The following HMG20A variants were observed in gnomAD, a reference collection of about 807,000 sequenced individuals.
The protein encoded by HMG20A is high mobility group 20A.
Under a neutral mutation model 43.9 loss-of-function variants are expected in HMG20A, and 17 were observed. The observed-to-expected ratio is 0.39, with a 90% confidence interval of 0.27 to 0.58. HMG20A has a LOEUF of 0.58. Ranked by LOEUF, HMG20A falls within the 20% of genes least tolerant of loss-of-function variation. The probability of loss-of-function intolerance (pLI) is 0.59; values close to 1 mark genes in which losing one functional copy is unlikely to be tolerated. For synonymous variants in HMG20A, 132 were observed against 147.5 expected (o/e 0.89, Z 0.76); for missense variants, 341 against 438.2 (o/e 0.78, Z 1.98).
intron 1 of HMG20A, among the ~76,000 whole-genome samples, chr15:77,430,750 T>C (rs2073476139): frequency 6.6e-6 from 1 of 152,190 alleles, no homozygotes; most frequent in Admixed American, 6.5e-5. Flanking sequence ...CAGTGTTTGC[T>C]AGGCAGAGTC....
chr15:77,477,732 CT>C, intron 7 of HMG20A, 102 bp downstream of exon 7: 1 of 726,972 alleles, frequency 1.4e-6, no homozygotes. Context: ...GTTATCCCTC[CT>C]TAGGACTACT....
chr15:77,436,769 T>C (rs1037043454), intron 1 of HMG20A, among the ~76,000 whole-genome samples: 22 of 152,184 alleles, frequency 1.4e-4, no homozygotes, highest in Non-Finnish European at 1.5e-5. Context: ...CTAGATCCAT[T>C]CTTACACATC....
intron 1 of HMG20A, among the ~76,000 whole-genome samples, chr15:77,424,500 A>G (rs1027405218): frequency 1.3e-5 from 2 of 152,198 alleles, no homozygotes; most frequent in Non-Finnish European, 2.9e-5. Context: ...AGAATGTTGT[A>G]TGTAAATCTC....
the HMG20A span, among the ~76,000 whole-genome samples, chr15:77,491,903 T>C: frequency 6.6e-6 from 1 of 152,220 alleles, no homozygotes; most frequent in African/African-American, 2.4e-5. Flanking sequence ...GGATTGTAAA[T>C]GGGCCTTGAA....
At chr15:77,495,069 C>A in the HMG20A span, among the ~76,000 whole-genome samples, 2 of 152,186 alleles carry the variant, frequency 1.3e-5, no homozygotes, top group East Asian at 1.9e-4. Flanking sequence ...CAAAATGAGG[C>A]CCCAATCCAG....
chr15:77,422,989 T>C (rs1469157894), intron 1 of HMG20A, among the ~76,000 whole-genome samples: 40 of 152,134 alleles, frequency 2.6e-4, no homozygotes, highest in Non-Finnish European at 2.9e-5. Context: ...ATTATTGAAG[T>C]ATGGAAAGAT....
chr15:77,441,137 C>G (rs922202148), intron 1 of HMG20A, among the ~76,000 whole-genome samples: 2 of 152,146 alleles, frequency 1.3e-5, no homozygotes, highest in African/African-American at 4.8e-5. Context: ...TGTACTATTA[C>G]TCTTCTCATT....
chr15:77,435,086 A>G (rs907306971), intron 1 of HMG20A, among the ~76,000 whole-genome samples: 30 of 152,180 alleles, frequency 2.0e-4, no homozygotes, highest in Admixed American at 1.4e-3. Flanking sequence ...ATTACATAGT[A>G]TATGAATAAA....
intron 7 of HMG20A, chr15:77,478,087 G>A (rs980168254): frequency 8.7e-5 from 51 of 589,190 alleles, no homozygotes; most frequent in East Asian, 6.8e-4. Flanking sequence ...TGTATGGAAT[G>A]TGACTAGCTT....
chr15:77,456,712 A>G (rs558798810), intron 1 of HMG20A, among the ~76,000 whole-genome samples: 1 of 151,558 alleles, frequency 6.6e-6, no homozygotes. Flanking sequence ...TTTGCTCACT[A>G]TGGTTAGTCT....
chr15:77,464,713 T>G (rs1339660401), intron 3 of HMG20A: 1 of 205,610 alleles, frequency 4.9e-6, no homozygotes, highest in African/African-American at 2.3e-5. Flanking sequence ...CTCAAGGCTC[T>G]GCTCAGCAAG....
intron 1 of HMG20A, among the ~76,000 whole-genome samples, chr15:77,433,451 C>G (rs1358361025): frequency 1.3e-5 from 2 of 151,812 alleles, no homozygotes; most frequent in African/African-American, 4.8e-5. Flanking sequence ...TACTCAAACT[C>G]TTCAATAGAA....
intron 4 of HMG20A, 123 bp downstream of exon 4, chr15:77,467,430 A>G: frequency 1.3e-6 from 1 of 749,314 alleles, no homozygotes; most frequent in Non-Finnish European, 2.2e-6. Context: ...CTAGGAGACC[A>G]GAATAGCAGG....
chr15:77,478,468 C>T lies in HMG20A; in HGVS notation c.865C>T (p.Arg289Trp), dbSNP rs774069600. 30 of 1,611,520 alleles carry T rather than the reference C, an allele frequency of 1.9e-5. No homozygotes were observed. The highest frequency in any genetic ancestry group is 2.4e-5 in the Non-Finnish European group (28 of 1,180,036). The stretch of plus-strand genomic sequence containing the variant: ...CTTACAGCAGCACCTGGAGACCCTG[C>T]GGCAGGTGCTGACCAGCAGCTTTGC... ...TVLQQHLETL[R>W]QVLTSSFASM... Residue 289 changes from arginine to tryptophan, a missense_variant, in exon 8 of 10, where the codon CGG becomes TGG. Coordinates refer to ENST00000336216, the MANE Select transcript of HMG20A (RefSeq NM_001304504.2).
At position 77,470,904 on chromosome 15, in the gene HMG20A, T is replaced by C. The variant is rs747608102; in HGVS notation, c.451-6T>C. On this transcript the variant is annotated splice_region_variant and splice_polypyrimidine_tract_variant and intron_variant, in intron 4 of 9. Coordinates refer to ENST00000336216, the MANE Select transcript of HMG20A (RefSeq NM_001304504.2). The stretch of plus-strand genomic sequence containing the variant: ...TCTTGAAAATAATTCTGTATTTCTT[T>C]CCTAGCGCTACCTTGATGAAGCAGA... 6.4e-7 allele frequency: 1 copy of C among 1,561,716 alleles called. No individual in the cohort carries two copies. Among genetic ancestry groups the C allele is most frequent in the East Asian group, 2.3e-5 (1 of 42,832 alleles).
chr15:77,489,845 C>T (rs1333352255), downstream of HMG20A, among the ~76,000 whole-genome samples: 2 of 152,190 alleles, frequency 1.3e-5, no homozygotes, highest in African/African-American at 4.8e-5. Flanking sequence ...GGCAGAGTGG[C>T]TTTGAAGTTG....
At chr15:77,445,421 T>A (rs1183529850) in intron 1 of HMG20A, among the ~76,000 whole-genome samples, 1 of 152,208 alleles carries the variant, frequency 6.6e-6, no homozygotes, top group African/African-American at 2.4e-5. Flanking sequence ...TTCCCCTTTA[T>A]CCATGGGGGT....
chr15:77,463,315 C>A (rs762479073), intron 2 of HMG20A, among the ~76,000 whole-genome samples: 2 of 152,180 alleles, frequency 1.3e-5, no homozygotes, highest in Non-Finnish European at 2.9e-5. Flanking sequence ...CTCTACCATA[C>A]CTCTATGGTA....
the HMG20A span, among the ~76,000 whole-genome samples, chr15:77,513,752 A>G: frequency 7.0e-6 from 1 of 142,738 alleles, no homozygotes; most frequent in Non-Finnish European, 1.5e-5. Flanking sequence ...TTTTTGATGG[A>G]GTCTCGCTCT....
Sources: allele counts gnomAD v4.1 joint callset (sites outside exome capture counted in the v4.1 genomes callset), GRCh38; gene constraint gnomAD v4.1.1; transcripts MANE v1.5; gene names NCBI Gene and HGNC (gene_info 2026-07-23, HGNC 2026-07-21).